MUC4: variants seen among roughly 807,000 people sequenced by gnomAD.
MUC4 encodes mucin 4, cell surface associated.
In MUC4, 202 loss-of-function variants were observed where a neutral mutation model predicts 257.9. That is an observed-to-expected ratio of 0.78 (90% CI 0.70 to 0.88). The LOEUF is 0.88. Ranked by LOEUF, MUC4 falls within the 40% of genes least tolerant of loss-of-function variation. The pLI, the probability that MUC4 is intolerant of heterozygous loss-of-function variation, is 0.00. For synonymous variants in MUC4, 2,351 were observed against 2,757.1 expected (o/e 0.85, Z 4.62); for missense variants, 5,976 against 6,513.7 (o/e 0.92, Z 2.84).
intron 12 of MUC4, 124 bp from the exon 13 acceptor site, chr3:195,763,069 C>G: frequency 3.6e-6 from 3 of 827,440 alleles, no homozygotes; most frequent in Middle Eastern, 3.0e-4. Flanking sequence ...CGCTGGAGGC[C>G]GCGGCCTGAG....
intron 3 of MUC4, among the ~76,000 whole-genome samples, chr3:195,774,558 C>T (rs1723906542): frequency 6.6e-6 from 1 of 152,186 alleles, no homozygotes; most frequent in Non-Finnish European, 1.5e-5. Context: ...TGTCAGAATA[C>T]CAGCAAACGA....
At position 195,753,291 on chromosome 3, in the gene MUC4, C is replaced by T. The variant is rs942806994; in HGVS notation, c.15329-61G>A. On this transcript the variant is annotated intron_variant, in intron 19 of 24. Coordinates refer to ENST00000463781, the MANE Select transcript of MUC4 (RefSeq NM_018406.7). ...AGGGCAGCAGAGGGACGGCCCAGCC[C>T]GTGGAAACCCGCTCCGGGACAGGCT... is the stretch of plus-strand genomic sequence containing the variant. 1.6e-5 allele frequency: 24 copies of T among 1,522,996 alleles called. No individual in the cohort carries two copies. In the Middle Eastern group the frequency reaches 1.1e-3, roughly 67 times the overall value. The allele number at this position is 1,522,996 out of a possible 1,614,324, so 94.3% of individuals were successfully genotyped here.
In MUC4 at chr3:195,767,907, T is replaced by TCAC. The variant is rs1447659178; in HGVS notation, c.13529+1112_13529+1114dup. Among the ~76,000 whole-genome samples the TCAC allele has an allele frequency of 7.2e-3, 456 of 63,238 alleles. 11 individuals are homozygous for TCAC. Among genetic ancestry groups the TCAC allele is most frequent in the African/African-American group, 0.028 (391 of 14,086 alleles). 41.5% of individuals were successfully genotyped at this position (63,238 alleles called of 152,430 possible). On this transcript the variant is annotated intron_variant, in intron 7 of 24. Coordinates refer to ENST00000463781, the MANE Select transcript of MUC4 (RefSeq NM_018406.7). ...ACCATCACCACCACCATCACCACCA[T>TCAC]CACCATCGCCACTGCCACCTCCACC...
intron 17 of MUC4, among the ~76,000 whole-genome samples, chr3:195,758,291 C>T (rs1024119233): frequency 6.6e-5 from 10 of 152,000 alleles, no homozygotes; most frequent in Admixed American, 1.3e-4. Context: ...GGAGAGGGAG[C>T]GATGGCACTC....
intron 19 of MUC4, 56 bp from the exon 20 acceptor site, chr3:195,753,286 C>T (rs1214894104): frequency 3.2e-6 from 5 of 1,565,880 alleles, no homozygotes; most frequent in African/African-American, 1.4e-5. Context: ...AGGGACGGCC[C>T]AGCCCGTGGA....
At position 195,774,312 on chromosome 3, in the gene MUC4, C is replaced by A; in HGVS notation, c.12944-7G>T. On this transcript the variant is annotated splice_polypyrimidine_tract_variant and splice_region_variant and intron_variant, in intron 3 of 24. Transcript: ENST00000463781. ...TAGGGGAAGAGGGAAACTCCTGGGC[C>A]AGGACAGAGAAGAGCAGGAAGTCCA... The A allele has an allele frequency of 2.0e-6, 3 of 1,535,984 alleles. No individual in the cohort carries two copies. Among genetic ancestry groups the A allele is most frequent in the Non-Finnish European group, 2.6e-6 (3 of 1,145,436 alleles).
intron 7 of MUC4, among the ~76,000 whole-genome samples, chr3:195,768,421 G>A (rs201088544): frequency 6.6e-6 from 1 of 152,118 alleles, no homozygotes; most frequent in African/African-American, 2.4e-5. Context: ...ACAGCCCCGT[G>A]CCTCCTCTCT....
In MUC4 at chr3:195,810,433, G is replaced by C. The variant is rs527565911; in HGVS notation, c.82+1303C>G. 2 of 152,710 alleles carry C rather than the reference G, an allele frequency of 1.3e-5. No individual in the cohort carries two copies. Among genetic ancestry groups the C allele is most frequent in the Non-Finnish European group, 2.9e-5 (2 of 68,466 alleles). The allele number at this position is 152,710 out of a possible 1,614,324, so 9.5% of individuals were successfully genotyped here. Reference sequence around the variant, plus strand: ...CACCCAGAAACACAGAATAAAACTTGGTCCTGAAGCCAGAGGGACAGCCTG... The same window carrying C: ...CACCCAGAAACACAGAATAAAACTTCGTCCTGAAGCCAGAGGGACAGCCTG... On this transcript the variant is annotated intron_variant, in intron 1 of 24. Transcript: ENST00000463781. The surrounding 1 kb of genome is among the most constrained non-coding windows in gnomAD (Gnocchi z 4.2).
chr3:195,778,641 AC>A, intron 2 of MUC4, 148 bp downstream of exon 2: 2 of 1,231,048 alleles, frequency 1.6e-6, no homozygotes, highest in Admixed American at 2.6e-5. Context: ...TGAGCCTGTC[AC>A]CCACCACACC....
chr3:195,786,625 G>T lies in MUC4; in HGVS notation c.4955C>A (p.Thr1652Asn). ...STGHATPLHV[T>N]SPSSASTGHA... is the part of the protein sequence containing the mutation. Reference sequence around the variant, plus strand: ...ACCTGTGGATGCTGAGGAAGGGCTGGTGACATGAAGAGGGGTGGCGTGACC... The same window carrying T: ...ACCTGTGGATGCTGAGGAAGGGCTGTTGACATGAAGAGGGGTGGCGTGACC... The change falls in exon 2 of 25, where the codon ACC (threonine) becomes AAC (asparagine). Residue 1652 changes from threonine to asparagine, a missense_variant. Thr to Asn is a moderately conservative substitution (Grantham distance 65). Coordinates refer to ENST00000463781, the MANE Select transcript of MUC4 (RefSeq NM_018406.7). 1 of 1,525,408 alleles carries T rather than the reference G, an allele frequency of 6.6e-7. No homozygotes were observed. The allele number at this position is 1,525,408 out of a possible 1,614,324, so 94.5% of individuals were successfully genotyped here. A position where few individuals can be genotyped will look rare whatever the true frequency, so the allele number is the denominator to read the frequency against.
chr3:195,754,409 C>A, intron 18 of MUC4, 37 bp from the exon 19 acceptor site: 4 of 1,578,698 alleles, frequency 2.5e-6, no homozygotes, highest in Non-Finnish European at 3.4e-6. Context: ...GGCCAGGAGA[C>A]CAAACTGGGA....
intron 20 of MUC4, 156 bp from the exon 21 acceptor site, chr3:195,752,602 G>C: frequency 1.6e-6 from 1 of 637,916 alleles, no homozygotes; most frequent in Non-Finnish European, 2.8e-6. Context: ...ATTCCACAGT[G>C]ACAGAAGGTC....
chr3:195,789,220 GT>G lies in MUC4; in HGVS notation c.2359del (p.Thr787ProfsTer73). ...TGACCCTGAGGAGGCCGGTTCGCTGGTCTGTGTTTGTCCAGAGGCCTCTGTG... is the reference window on the plus strand; with the variant it reads ...TGACCCTGAGGAGGCCGGTTCGCTGGCTGTGTTTGTCCAGAGGCCTCTGTG... ...ESTEASGQTQTSEPASSGSRT... is the reference protein window; with the variant it reads ...ESTEASGQTQXSEPASSGSRT... On this transcript the variant is annotated frameshift_variant, in exon 2 of 25. Coordinates refer to ENST00000463781, the MANE Select transcript of MUC4 (RefSeq NM_018406.7). LOFTEE classifies it high-confidence loss of function. 1 of 1,613,896 alleles carries G rather than the reference GT, an allele frequency of 6.2e-7. No individual in the cohort carries two copies.
chr3:195,754,892 TCCATGTATGTATG>T (rs1717296665), intron 18 of MUC4, among the ~76,000 whole-genome samples: 1 of 52,380 alleles, frequency 1.9e-5, no homozygotes, highest in Admixed American at 1.5e-4. Flanking sequence ...CATGTATGTA[TCCATGTATGTATG>T]TGTGTGTCAT....
chr3:195,789,346 A>C lies in MUC4; in HGVS notation c.2234T>G (p.Val745Gly), dbSNP rs367935360. ...TCCTTCTGGGCCCCCTGGTGTTGACACTACAGAGTTGGCCAGAGTAAGGGC... is the reference window on the plus strand; with the variant it reads ...TCCTTCTGGGCCCCCTGGTGTTGACCCTACAGAGTTGGCCAGAGTAAGGGC... The part of the protein sequence containing the change: ...TGALTLANSV[V>G]STPGGPEGQW... Residue 745 changes from valine (V) to glycine (G), a missense_variant, in exon 2 of 25, where the codon GTG (valine) becomes GGG (glycine). Around this residue, in one of 44 missense-constraint regions of MUC4, gnomAD observed 1,583 missense variants for 1,257.4 expected, o/e 1.26. Coordinates refer to ENST00000463781, the MANE Select transcript of MUC4 (RefSeq NM_018406.7). 4.6e-5 allele frequency: 75 copies of C among 1,613,918 alleles called. No homozygotes were observed. In the African/African-American group the frequency reaches 9.2e-4, roughly 20 times the overall value.
At chr3:195,767,802 TCATCACCAC>T (rs1244796618) in intron 7 of MUC4, among the ~76,000 whole-genome samples, 3 of 31,916 alleles carry the variant, frequency 9.4e-5, no homozygotes, top group African/African-American at 2.1e-4. Context: ...GCCACCACCA[TCATCACCAC>T]CATCACCACC....
intron 1 of MUC4, among the ~76,000 whole-genome samples, chr3:195,804,630 C>A (rs970167858): frequency 6.6e-6 from 1 of 152,224 alleles, no homozygotes; most frequent in Non-Finnish European, 1.5e-5. Context: ...TACTTCCTGA[C>A]GGGTGGGGCC....
At chr3:195,762,289 G>GAA in intron 13 of MUC4, 35 bp from the exon 14 acceptor site, 1 of 1,542,784 alleles carries the variant, frequency 6.5e-7, no homozygotes, top group Admixed American at 2.0e-5. Flanking sequence ...AGGAAGCCAG[G>GAA]TCGGCACCAC....
chr3:195,793,822 T>C (rs1200412136), intron 1 of MUC4, among the ~76,000 whole-genome samples: 1 of 152,196 alleles, frequency 6.6e-6, no homozygotes, highest in Non-Finnish European at 1.5e-5. Flanking sequence ...ACTTTTCTTT[T>C]TCGTTGTTAA....
Sources: gnomAD v4.1 joint callset for allele counts (sites outside exome capture counted in the v4.1 genomes callset) on GRCh38, gnomAD v4.1.1 for gene constraint, gnomAD v4.1.1 regional missense constraint, Gnocchi (gnomAD v3.1) non-coding constraint, MANE v1.5 for transcripts, NCBI Gene and HGNC (gene_info 2026-07-23, HGNC 2026-07-21) for gene names.